DEFB112: variants seen among roughly 807,000 people sequenced by gnomAD.
DEFB112 encodes the protein defensin beta 112.
In DEFB112, 2 loss-of-function variants were observed where a neutral mutation model predicts 1.1. The observed-to-expected ratio is 1.85, with a 90% CI of 0.76 to 5.83. The LOEUF (loss-of-function observed/expected upper bound fraction) is 5.83, where lower values mean the gene tolerates loss of function less well. Among genes scored for constraint, DEFB112 ranks in the 30% most tolerant of loss-of-function variants. DEFB112 has a pLI of 0.05. For missense variants in DEFB112, 120 were observed against 94.4 expected (o/e 1.27, Z -1.12); for synonymous variants, 40 against 31.2 (o/e 1.28, Z -0.93).
rs694470 is a variant in DEFB112 at position 50,043,564 on chromosome 6, C to G, written c.*11G>C. The G allele has an allele frequency of 0.025, 40,737 of 1,602,550 alleles. 2,880 individuals carry two copies. In the African/African-American group the frequency reaches 0.26, roughly 10 times the overall value. On this transcript the variant is annotated 3_prime_UTR_variant, in exon 2 of 2. Coordinates refer to ENST00000651554, the MANE Select transcript of DEFB112 (RefSeq NM_001369057.2). ...CATTCAGATGTATCATCTTCTTGTG[C>G]ATGGATTTCTTCAATGACGTGAGTC...
chr6:50,045,708 T>C (rs1774820311), intron 1 of DEFB112, among the ~76,000 whole-genome samples: 2 of 152,138 alleles, frequency 1.3e-5, no homozygotes, highest in Admixed American at 6.5e-5. Context: ...ACCTATCACA[T>C]ACCTAGGCTG....
rs571684923 is a variant in DEFB112, at chr6:50,045,317, G to T, written c.59-1516C>A. Among the ~76,000 whole-genome samples, 3 of 152,012 alleles carry T rather than the reference G, an allele frequency of 2.0e-5. No homozygotes were observed. The East Asian group carries it at 5.8e-4, about 29-fold the overall frequency. Reference sequence around the variant, plus strand: ...AGCACTGTAAATGAAATAGCCATGAGATTACTACCTACATCAAGAAACAAG... The same window carrying T: ...AGCACTGTAAATGAAATAGCCATGATATTACTACCTACATCAAGAAACAAG... On this transcript the variant is annotated intron_variant, in intron 1 of 1. Transcript: ENST00000651554.
At chr6:50,047,295 A>G in intron 1 of DEFB112, among the ~76,000 whole-genome samples, 1 of 152,162 alleles carries the variant, frequency 6.6e-6, no homozygotes, top group Non-Finnish European at 1.5e-5. Flanking sequence ...CTGAAGTCTG[A>G]GGCCATGGGG....
chr6:50,043,766 A>T lies in DEFB112; in HGVS notation c.94T>A (p.Trp32Arg), dbSNP rs1253059334. 3 of 1,613,278 alleles carry T rather than the reference A, an allele frequency of 1.9e-6. No homozygotes were observed. The African/African-American group carries it at 4.0e-5, about 22-fold the overall frequency. The change falls in exon 2 of 2, where the codon TGG (tryptophan) becomes AGG (arginine). Residue 32 changes from tryptophan (W) to arginine (R), a missense_variant. Transcript: ENST00000651554. Reference protein sequence around the residue: ...SEGHHITFSRWKSCTAIGGRC... With the variant: ...SEGHHITFSRRKSCTAIGGRC... ...CCTCCAATCGCTGTACATGACTTCCACCTACTAAAGGTGATATGGTGCCCT... is the reference window on the plus strand; with the variant it reads ...CCTCCAATCGCTGTACATGACTTCCTCCTACTAAAGGTGATATGGTGCCCT...
At chr6:50,047,238 G>A (rs571516832) in intron 1 of DEFB112, among the ~76,000 whole-genome samples, 2 of 152,178 alleles carry the variant, frequency 1.3e-5, no homozygotes, top group Non-Finnish European at 2.9e-5. Flanking sequence ...TGTCAGATCC[G>A]GCCTGGTGCC....
In DEFB112 at chr6:50,043,690, G is replaced by A. The variant is rs757039517; in HGVS notation, c.170C>T (p.Ala57Val). 6.2e-7 allele frequency: 1 copy of A among 1,613,510 alleles called. No individual in the cohort carries two copies. Among genetic ancestry groups the A allele is most frequent in the East Asian group, 2.2e-5 (1 of 44,830 alleles). Residue 57 changes from alanine to valine, a missense_variant, in exon 2 of 2, where the codon GCA becomes GTA. Ala to Val is a moderately conservative substitution (Grantham distance 64). Transcript: ENST00000651554. ...CACGCAGCAATGAGTTGTAGGTCTT[G>A]CACAGTATGAAATCCTAAATTCACT... ...DDSEFRISYC[A>V]RPTTHCCVTE... is the part of the protein sequence containing the mutation.
Position 50,042,481 on chromosome 6 carries a change from G to T in DEFB112, c.*1094C>A, listed in dbSNP as rs1178425053. 6.6e-6 allele frequency among the ~76,000 whole-genome samples: 1 copy of T among 151,948 alleles called. No homozygotes were observed. Among genetic ancestry groups the T allele is most frequent in the Non-Finnish European group, 1.5e-5 (1 of 67,924 alleles). ...GTTACCACATAATTTTAAGTGACTA[G>T]CTCCCTTTTCTTCATGTGGCCTTAG... is the stretch of plus-strand genomic sequence containing the variant. On this transcript the variant is annotated 3_prime_UTR_variant, in exon 2 of 2. Transcript: ENST00000651554.
chr6:50,047,287 G>A (rs946027596), intron 1 of DEFB112, among the ~76,000 whole-genome samples: 15 of 152,182 alleles, frequency 9.9e-5, no homozygotes, highest in African/African-American at 3.6e-4. Flanking sequence ...GTACTGGTCT[G>A]AAGTCTGAGG....
chr6:50,048,946 A>T (rs1445163724), intron 1 of DEFB112, among the ~76,000 whole-genome samples: 2 of 152,138 alleles, frequency 1.3e-5, no homozygotes, highest in African/African-American at 4.8e-5. Context: ...AATCATTATT[A>T]TGAAGAAAAC....
intron 1 of DEFB112, among the ~76,000 whole-genome samples, chr6:50,046,134 G>A (rs1774828509): frequency 6.6e-6 from 1 of 151,774 alleles, no homozygotes; most frequent in Non-Finnish European, 1.5e-5. Flanking sequence ...TCTGCCAGTA[G>A]GGTGTATTAA....
At chr6:50,044,471 T>A (rs550037621) in intron 1 of DEFB112, among the ~76,000 whole-genome samples, 3 of 152,188 alleles carry the variant, frequency 2.0e-5, no homozygotes, top group East Asian at 1.9e-4. Flanking sequence ...AGAAAATTTT[T>A]AAAAATGTCT....
At chr6:50,044,671 C>A (rs1290147868) in intron 1 of DEFB112, among the ~76,000 whole-genome samples, 2 of 151,936 alleles carry the variant, frequency 1.3e-5, no homozygotes, top group Middle Eastern at 3.4e-3. Context: ...GGTTTTGAAT[C>A]TATATAATAA....
At chr6:50,049,509 GAATA>G (rs1774892259) in intron 1 of DEFB112, among the ~76,000 whole-genome samples, 1 of 151,876 alleles carries the variant, frequency 6.6e-6, no homozygotes, top group South Asian at 2.1e-4. Context: ...TTTGAGTGTT[GAATA>G]AATACACATT....
intron 1 of DEFB112, among the ~76,000 whole-genome samples, chr6:50,045,025 T>C (rs918932546): frequency 6.6e-6 from 1 of 152,102 alleles, no homozygotes; most frequent in African/African-American, 2.4e-5. Flanking sequence ...TAACATACTC[T>C]GGATTTGCAG....
chr6:50,045,689 G>C (rs1457110040), intron 1 of DEFB112, among the ~76,000 whole-genome samples: 1 of 152,100 alleles, frequency 6.6e-6, no homozygotes, highest in Non-Finnish European at 1.5e-5. Flanking sequence ...CACAAATCTA[G>C]ATGGTACAAC....
Position 50,043,044 on chromosome 6 carries a change from A to G in DEFB112, c.*531T>C, listed in dbSNP as rs1443660929. 6.6e-6 allele frequency among the ~76,000 whole-genome samples: 1 copy of G among 151,980 alleles called. No homozygotes were observed. Among genetic ancestry groups the G allele is most frequent in the African/African-American group, 2.4e-5 (1 of 41,404 alleles). On this transcript the variant is annotated 3_prime_UTR_variant, in exon 2 of 2. Transcript: ENST00000651554. The stretch of plus-strand genomic sequence containing the variant: ...TAGTCTCCCTCTATTCTACCTTTTG[A>G]GATTATTCTTGGAAAAAAAATCAGT...
chr6:50,049,669 A>C lies in DEFB112; in HGVS notation c.58+143T>G, dbSNP rs112681323. Among the ~76,000 whole-genome samples, 359 of 152,216 alleles carry C rather than the reference A, an allele frequency of 2.4e-3. 3 individuals carry two copies. Among genetic ancestry groups the C allele is most frequent in the African/African-American group, 6.2e-3 (258 of 41,546 alleles). On this transcript the variant is annotated intron_variant, in intron 1 of 1. Transcript: ENST00000651554. ...CTTGAAAAATTATTCAAATATTTTT[A>C]CCTGAGAACTGTGAATAAATGTAAT...
At chr6:50,047,177 C>T (rs188412914) in intron 1 of DEFB112, among the ~76,000 whole-genome samples, 1 of 152,178 alleles carries the variant, frequency 6.6e-6, no homozygotes, top group African/African-American at 2.4e-5. Context: ...ACTGGGCAGG[C>T]CTGGAGGGGC....
intron 1 of DEFB112, among the ~76,000 whole-genome samples, chr6:50,044,121 T>G (rs1015539914): frequency 1.3e-5 from 2 of 152,096 alleles, no homozygotes; most frequent in African/African-American, 4.8e-5. Context: ...TGGGACGATC[T>G]CCATCCTCTC....
Sources: gnomAD v4.1 joint callset for allele counts (sites outside exome capture counted in the v4.1 genomes callset) on GRCh38, gnomAD v4.1.1 for gene constraint, MANE v1.5 for transcripts, NCBI Gene and HGNC (gene_info 2026-07-23, HGNC 2026-07-21) for gene names.